NAALADL2: variants seen among roughly 807,000 people sequenced by gnomAD.
NAALADL2 encodes N-acetylated alpha-linked acidic dipeptidase like 2.
In NAALADL2, 76 loss-of-function variants were observed where a neutral mutation model predicts 87.2. The observed-to-expected ratio is 0.87, with a 90% CI of 0.72 to 1.05. NAALADL2 has a LOEUF of 1.05. Ranked by LOEUF, NAALADL2 falls within the 50% of genes least tolerant of loss-of-function variation. The pLI is 0.00. For synonymous variants in NAALADL2, 354 were observed against 331.0 expected, an observed-to-expected ratio of 1.07 and a Z score of -0.75; for missense variants, 1,089 against 945.8, an observed-to-expected ratio of 1.15 and a Z score of -1.99.
At chr3:175,513,704 G>A (rs1731472479) in intron 9 of NAALADL2, among the ~76,000 whole-genome samples, 2 of 152,172 alleles carry the variant, frequency 1.3e-5, no homozygotes, top group African/African-American at 4.8e-5. Context: ...GGCAGTCTAA[G>A]GGATGCCAAT....
chr3:175,485,746 C>T (rs926541650), intron 9 of NAALADL2, among the ~76,000 whole-genome samples: 9 of 152,164 alleles, frequency 5.9e-5, no homozygotes. Context: ...GGGTCTGGCT[C>T]TCCCAGTCCA....
chr3:174,635,717 G>T (rs558992642), intron 2 of NAALADL2, among the ~76,000 whole-genome samples: 1 of 152,104 alleles, frequency 6.6e-6, no homozygotes. Flanking sequence ...TGGCCAGAAT[G>T]GTCTGGAACT....
At chr3:174,823,635 C>A (rs1377425412) in intron 3 of NAALADL2, among the ~76,000 whole-genome samples, 2 of 152,146 alleles carry the variant, frequency 1.3e-5, no homozygotes, top group Admixed American at 1.3e-4. Flanking sequence ...CTTTTATGCC[C>A]TTGCTCCTCT....
chr3:175,411,499 T>A (rs1713510728), intron 5 of NAALADL2, among the ~76,000 whole-genome samples: 1 of 151,774 alleles, frequency 6.6e-6, no homozygotes, highest in Non-Finnish European at 1.5e-5. Context: ...AAAAATGAAG[T>A]AAAATGTAAT....
chr3:174,938,588 G>A (rs977442833), intron 1 of NAALADL2, among the ~76,000 whole-genome samples: 1 of 152,086 alleles, frequency 6.6e-6, no homozygotes, highest in Non-Finnish European at 1.5e-5. Context: ...TTAGCTCTTT[G>A]AGGAATCACC....
intron 9 of NAALADL2, among the ~76,000 whole-genome samples, chr3:175,506,465 T>C (rs1730332141): frequency 6.6e-6 from 1 of 152,218 alleles, no homozygotes; most frequent in Non-Finnish European, 1.5e-5. Context: ...ATTTCAAAGA[T>C]AAAATATGTT....
At chr3:175,053,999 C>T (rs184881686) in intron 1 of NAALADL2, among the ~76,000 whole-genome samples, 39 of 152,336 alleles carry the variant, frequency 2.6e-4, no homozygotes, top group Non-Finnish European at 4.6e-4. Flanking sequence ...CTACTGCTAA[C>T]TATTGTTTGC....
At chr3:174,487,913 T>C (rs766590392) in intron 1 of NAALADL2, among the ~76,000 whole-genome samples, 3 of 152,082 alleles carry the variant, frequency 2.0e-5, no homozygotes, top group East Asian at 1.9e-4. Context: ...TTTGCAGTAG[T>C]CACCAGGATT....
chr3:174,487,944 A>C (rs774321177), intron 1 of NAALADL2, among the ~76,000 whole-genome samples: 1 of 152,034 alleles, frequency 6.6e-6, no homozygotes, highest in Non-Finnish European at 1.5e-5. Flanking sequence ...GAGCCAATAT[A>C]TAAAAAGATT....
chr3:175,073,424 G>T (rs1017855513), intron 1 of NAALADL2, among the ~76,000 whole-genome samples: 1 of 151,994 alleles, frequency 6.6e-6, no homozygotes, highest in Non-Finnish European at 1.5e-5. Flanking sequence ...ATCATCGTAA[G>T]TTATATAGAA....
At chr3:174,580,030 A>G (rs1715983216) in intron 2 of NAALADL2, among the ~76,000 whole-genome samples, 1 of 152,084 alleles carries the variant, frequency 6.6e-6, no homozygotes, top group South Asian at 2.1e-4. Flanking sequence ...TGAGACTTTA[A>G]ACTTTAAAAT....
intron 5 of NAALADL2, among the ~76,000 whole-genome samples, chr3:175,339,884 G>A (rs1477236931): frequency 6.6e-6 from 1 of 152,104 alleles, no homozygotes; most frequent in Non-Finnish European, 1.5e-5. Context: ...AAGGAAATGT[G>A]TTAAAATCTG....
At chr3:175,035,574 C>T (rs1016625757) in intron 1 of NAALADL2, among the ~76,000 whole-genome samples, 9 of 151,812 alleles carry the variant, frequency 5.9e-5, no homozygotes, top group African/African-American at 1.7e-4. Flanking sequence ...TAGAGTAAGA[C>T]GAAGGACATG....
At position 175,582,591 on chromosome 3, in the gene NAALADL2, A is replaced by C. The variant is rs1387516692; in HGVS notation, c.1800+6404A>C. 2.0e-5 allele frequency among the ~76,000 whole-genome samples: 3 copies of C among 152,332 alleles called. No individual in the cohort carries two copies. The East Asian group carries it at 5.8e-4, about 29-fold the overall frequency. The stretch of plus-strand genomic sequence containing the variant: ...AATTGACAACAGTCAAGTTAAGAAT[A>C]TAGGACAACTTTAACATATTTTATT... On this transcript the variant is annotated intron_variant, in intron 10 of 13. Transcript: ENST00000454872.
At chr3:175,135,899 T>C (rs1388139678) in intron 2 of NAALADL2, among the ~76,000 whole-genome samples, 3 of 152,212 alleles carry the variant, frequency 2.0e-5, no homozygotes, top group African/African-American at 7.2e-5. Context: ...AGAATAAGCC[T>C]GGAGAAGCTC....
rs183483077 is a variant in NAALADL2, at chr3:175,613,797, G to C, written c.1801-13494G>C. Among the ~76,000 whole-genome samples the C allele has an allele frequency of 4.9e-4, 75 of 152,126 alleles. No homozygotes were observed. The East Asian group carries it at 0.013, about 26-fold the overall frequency. Reference sequence around the variant, plus strand: ...ATTTACTTCACAGGATTTTTCTGAGGGTTAATTGAGCTACTATTACAATGT... The same window carrying C: ...ATTTACTTCACAGGATTTTTCTGAGCGTTAATTGAGCTACTATTACAATGT... On this transcript the variant is annotated intron_variant, in intron 10 of 13. Transcript: ENST00000454872.
intron 1 of NAALADL2, among the ~76,000 whole-genome samples, chr3:174,461,227 G>A (rs1475390677): frequency 2.0e-5 from 3 of 151,986 alleles, no homozygotes; most frequent in Non-Finnish European, 4.4e-5. Context: ...CAAAATGAAT[G>A]TTTTATGCCA....
At chr3:175,417,798 A>G (rs1714922851) in intron 5 of NAALADL2, among the ~76,000 whole-genome samples, 1 of 152,306 alleles carries the variant, frequency 6.6e-6, no homozygotes, top group South Asian at 2.1e-4. Flanking sequence ...TCTGATATTT[A>G]TCAATAAAAA....
At chr3:175,088,456 C>G (rs1353006259) in intron 1 of NAALADL2, among the ~76,000 whole-genome samples, 1 of 152,076 alleles carries the variant, frequency 6.6e-6, no homozygotes, top group South Asian at 2.1e-4. Context: ...AAAGCTATTT[C>G]GGAAAATAAA....
Sources: gnomAD v4.1 joint callset for allele counts (sites outside exome capture counted in the v4.1 genomes callset) on GRCh38, gnomAD v4.1.1 for gene constraint, MANE v1.5 for transcripts, NCBI Gene and HGNC (gene_info 2026-07-23, HGNC 2026-07-21) for gene names.